The following STAMBP variants were observed in gnomAD, a reference collection of about 807,000 sequenced individuals.
STAMBP encodes STAM-binding protein.
Under a neutral mutation model 50.7 loss-of-function variants are expected in STAMBP, and 31 were observed. That is an observed-to-expected ratio of 0.61 (90% confidence interval 0.46 to 0.83). STAMBP has a LOEUF of 0.83. Among genes scored for constraint, STAMBP ranks in the 40% least tolerant of loss-of-function variants. The pLI is 0.00. For synonymous variants in STAMBP, 211 were observed against 192.4 expected (o/e 1.10, Z -0.80); for missense variants, 472 against 518.9 (o/e 0.91, Z 0.88).
chr2:73,858,329 T>C (rs1282842968), intron 7 of STAMBP, among the ~76,000 whole-genome samples: 1 of 151,764 alleles, frequency 6.6e-6, no homozygotes, highest in African/African-American at 2.4e-5. Flanking sequence ...AAGAGAGATG[T>C]GGTTTCACCA....
rs1369153246 is a variant in STAMBP at position 73,845,250 on chromosome 2, T to C, written c.363T>C (p.Tyr121=). The part of the protein sequence containing the change: ...LKRYTKEYTE[Y]NEEKKKEAEE... Reference sequence around the variant, plus strand: ...GATATACCAAAGAATATACAGAATATAATGAAGAAAAGGTCAGTATATAAC... The same window carrying C: ...GATATACCAAAGAATATACAGAATACAATGAAGAAAAGGTCAGTATATAAC... Residue 121 remains tyrosine (Y), a synonymous_variant, in exon 4 of 10, where the codon TAT becomes TAC. Coordinates refer to ENST00000394070, the MANE Select transcript of STAMBP (RefSeq NM_213622.4). 2 of 1,612,540 alleles carry C rather than the reference T, an allele frequency of 1.2e-6. No homozygotes were observed. The highest frequency in any genetic ancestry group is 1.1e-5 in the South Asian group (1 of 90,972).
chr2:73,871,446 G>A (rs899209762), downstream of STAMBP, among the ~76,000 whole-genome samples: 1 of 151,764 alleles, frequency 6.6e-6, no homozygotes, highest in Non-Finnish European at 1.5e-5. Flanking sequence ...TACTCAGGAG[G>A]CTGAGACAGG....
chr2:73,865,576 C>A lies in STAMBP; in HGVS notation c.*3317C>A, dbSNP rs1678797132. 6.6e-6 allele frequency: 1 copy of A among 152,182 alleles called. No homozygotes were observed. Among genetic ancestry groups the A allele is most frequent in the African/African-American group, 2.4e-5 (1 of 41,442 alleles). The allele number at this position is 152,182 out of a possible 1,614,324, so 9.4% of individuals were successfully genotyped here. ...ACATTTAAGGCTTTGCTTCTAGGCC[C>A]AGCTATACATTCACCAGCAAATCAC... On this transcript the variant is annotated 3_prime_UTR_variant, in exon 10 of 10. Transcript: ENST00000394070.
Position 73,845,244 on chromosome 2 carries a change from A to G in STAMBP, c.357A>G (p.Thr119=). ...TAAAACGATATACCAAAGAATATAC[A>G]GAATATAATGAAGAAAAGGTCAGTA... ...ELLKRYTKEY[T]EYNEEKKKEA... Residue 119 remains threonine, a synonymous_variant, in exon 4 of 10, where the codon ACA becomes ACG. Transcript: ENST00000394070. 1 of 1,613,356 alleles carries G rather than the reference A, an allele frequency of 6.2e-7. No homozygotes were observed. The highest frequency in any genetic ancestry group is 2.2e-5 in the East Asian group (1 of 44,858).
At chr2:73,846,899 T>C (rs1201247976) in intron 4 of STAMBP, among the ~76,000 whole-genome samples, 1 of 151,904 alleles carries the variant, frequency 6.6e-6, no homozygotes, top group Non-Finnish European at 1.5e-5. Flanking sequence ...CTGGGCAACA[T>C]GGCGAAACCC....
chr2:73,866,301 C>G lies in STAMBP; in HGVS notation c.*4042C>G, dbSNP rs1396550952. 2 of 152,238 alleles carry G rather than the reference C, an allele frequency of 1.3e-5. No homozygotes were observed. Among genetic ancestry groups the G allele is most frequent in the Non-Finnish European group, 2.9e-5 (2 of 68,054 alleles). The allele number at this position is 152,238 out of a possible 1,614,324, so 9.4% of individuals were successfully genotyped here. On this transcript the variant is annotated 3_prime_UTR_variant, in exon 10 of 10. Coordinates refer to ENST00000394070, the MANE Select transcript of STAMBP (RefSeq NM_213622.4). ...TAGTGCCTTCCCTCACTGGTAGGTT[C>G]ACTCTGAGGGCTTCCTTCCTTGAAC... is the stretch of plus-strand genomic sequence containing the variant.
chr2:73,847,346 C>A (rs757395146), intron 4 of STAMBP, 41 bp from the exon 5 acceptor site: 1 of 1,547,604 alleles, frequency 6.5e-7, no homozygotes, highest in South Asian at 1.3e-5. Flanking sequence ...TGTGAAGTCA[C>A]TGAGGTGTGA....
chr2:73,847,745 C>G lies in STAMBP; in HGVS notation c.734C>G (p.Ser245Ter). The stretch of plus-strand genomic sequence containing the variant: ...TTGAAACCTGGAGCACTGAGCAACT[C>G]AGAAAGTAGTAAGTGCATTTGCTGA... Reference protein sequence around the residue: ...RSLKPGALSNSESIPTIDGLR... With the variant: ...RSLKPGALSN Residue 245 changes from serine (S) to a stop codon, truncating the protein, a stop_gained, in exon 5 of 10, where the codon TCA becomes TGA. Transcript: ENST00000394070. LOFTEE classifies it high-confidence loss of function. 1 of 1,612,778 alleles carries G rather than the reference C, an allele frequency of 6.2e-7. No individual in the cohort carries two copies. Among genetic ancestry groups the G allele is most frequent in the Non-Finnish European group, 8.5e-7 (1 of 1,179,544 alleles).
At chr2:73,842,478 TG>T (rs1404470659) in intron 2 of STAMBP, among the ~76,000 whole-genome samples, 1 of 152,238 alleles carries the variant, frequency 6.6e-6, no homozygotes, top group East Asian at 1.9e-4. Context: ...TCTGGCCACC[TG>T]GGACTGAATA....
At chr2:73,832,108 T>TATATATATATATATATATATATATACAC (rs1006072205) in intron 2 of STAMBP, among the ~76,000 whole-genome samples, 16 of 122,876 alleles carry the variant, frequency 1.3e-4, no homozygotes, top group African/African-American at 2.1e-4. Flanking sequence ...TATATATATA[T>TATATATATATATATATATATATATACAC]ACACATATAT....
intron 2 of STAMBP, among the ~76,000 whole-genome samples, chr2:73,841,000 G>T (rs1321245006): frequency 2.0e-5 from 3 of 152,038 alleles, no homozygotes; most frequent in African/African-American, 7.2e-5. Flanking sequence ...GATGAAAATG[G>T]TATCTCATCC....
chr2:73,854,648 C>G (rs968932505), intron 7 of STAMBP, among the ~76,000 whole-genome samples: 2 of 152,068 alleles, frequency 1.3e-5, no homozygotes, highest in African/African-American at 4.8e-5. Flanking sequence ...GCTAGTTCAG[C>G]TTTTTTTCCT....
At chr2:73,858,557 A>G (rs530327904) in intron 7 of STAMBP, among the ~76,000 whole-genome samples, 3 of 152,326 alleles carry the variant, frequency 2.0e-5, no homozygotes, top group South Asian at 4.1e-4. Context: ...ATTATGTCAC[A>G]TACTTTTTTG....
intron 2 of STAMBP, among the ~76,000 whole-genome samples, chr2:73,843,092 CTTAT>C (rs1195923300): frequency 6.6e-6 from 1 of 151,416 alleles, no homozygotes; most frequent in Non-Finnish European, 1.5e-5. Context: ...AGAAATATGT[CTTAT>C]TTATCTTAAT....
chr2:73,837,626 CA>C (rs1337184642), intron 2 of STAMBP, among the ~76,000 whole-genome samples: 1 of 128,220 alleles, frequency 7.8e-6, no homozygotes, highest in African/African-American at 2.9e-5. Flanking sequence ...CACATTAATA[CA>C]GAAGAATATA....
intron 3 of STAMBP, 46 bp downstream of exon 3, chr2:73,844,934 G>A: frequency 1.3e-5 from 20 of 1,598,532 alleles, no homozygotes; most frequent in Non-Finnish European, 1.7e-5. Flanking sequence ...CTTCAGAGCA[G>A]CACAGACTGA....
At chr2:73,853,519 C>T (rs891038796) in intron 7 of STAMBP, among the ~76,000 whole-genome samples, 2 of 152,106 alleles carry the variant, frequency 1.3e-5, no homozygotes, top group Non-Finnish European at 2.9e-5. Flanking sequence ...GTCAGGAGTG[C>T]GAGACCAGCC....
At chr2:73,853,071 GA>G (rs1206582247) in intron 7 of STAMBP, among the ~76,000 whole-genome samples, 3 of 152,118 alleles carry the variant, frequency 2.0e-5, no homozygotes, top group South Asian at 2.1e-4. Context: ...AAGGCTTTAA[GA>G]AAAAATTTCC....
chr2:73,862,192 T>C lies in STAMBP; in HGVS notation c.1219-11T>C, dbSNP rs763272932. On this transcript the variant is annotated splice_polypyrimidine_tract_variant and intron_variant, in intron 9 of 9. Coordinates refer to ENST00000394070, the MANE Select transcript of STAMBP (RefSeq NM_213622.4). ...TTTCTAGGACTCCACCTTTCTTTTT[T>C]CCTATTGCAGAGCTGCAGCCACGTG... The C allele has an allele frequency of 2.5e-6, 4 of 1,594,250 alleles. No individual in the cohort carries two copies. In the African/African-American group the frequency reaches 5.5e-5, roughly 22 times the overall value.
Sources: allele counts gnomAD v4.1 joint callset (sites outside exome capture counted in the v4.1 genomes callset), GRCh38; gene constraint gnomAD v4.1.1; transcripts MANE v1.5; gene names NCBI Gene and HGNC (gene_info 2026-07-23, HGNC 2026-07-21).